SPMAP2: variants seen among roughly 807,000 people sequenced by gnomAD.
The protein encoded by SPMAP2 is Theg homolog.
chr19:369,829 C>A, the SPMAP2 span, among the ~76,000 whole-genome samples: 2 of 152,164 alleles, frequency 1.3e-5, no homozygotes, highest in Non-Finnish European at 2.9e-5. Context: ...TTACAAAGTA[C>A]CTTGATCACT....
the SPMAP2 span, among the ~76,000 whole-genome samples, chr19:366,443 G>A: frequency 6.6e-6 from 1 of 152,138 alleles, no homozygotes; most frequent in Non-Finnish European, 1.5e-5. Flanking sequence ...AGGCAGTGCT[G>A]CATCAGCCCT....
At chr19:371,075 CCAGA>C in the SPMAP2 span, 2 of 531,056 alleles carry the variant, frequency 3.8e-6, no homozygotes, top group East Asian at 6.2e-5. Flanking sequence ...AAAGCTGCTC[CCAGA>C]CAAAGGCAGC....
chr19:374,406 G>A, the SPMAP2 span: 31 of 1,613,976 alleles, frequency 1.9e-5, 1 homozygote, highest in South Asian at 1.8e-4. Flanking sequence ...GGAGCTTCTG[G>A]CTGATGGACA....
the SPMAP2 span, among the ~76,000 whole-genome samples, chr19:365,149 G>A: frequency 1.3e-5 from 2 of 152,198 alleles, no homozygotes; most frequent in African/African-American, 2.4e-5. Context: ...ACGCACCCGC[G>A]CTCACCACAC....
chr19:372,363 G>A, the SPMAP2 span, among the ~76,000 whole-genome samples: 26 of 152,354 alleles, frequency 1.7e-4, no homozygotes, highest in African/African-American at 4.8e-4. Flanking sequence ...TGTGTCAGGC[G>A]CTGTGCAAAT....
the SPMAP2 span, chr19:373,996 A>G: frequency 6.2e-6 from 10 of 1,613,536 alleles, no homozygotes; most frequent in East Asian, 2.2e-4. Context: ...CATACCCCTT[A>G]CCACAGCGTC....
At chr19:373,634 G>GAGTT in the SPMAP2 span, 1 of 1,119,824 alleles carries the variant, frequency 8.9e-7, no homozygotes, top group Non-Finnish European at 1.3e-6. Context: ...GTGGGGTGTG[G>GAGTT]AGTTGCTGGG....
At chr19:375,704 T>C in the SPMAP2 span, 1 of 1,603,856 alleles carries the variant, frequency 6.2e-7, no homozygotes, top group Non-Finnish European at 8.5e-7. Context: ...TGTCCAGGAC[T>C]CTCTCCAACT....
the SPMAP2 span, among the ~76,000 whole-genome samples, chr19:365,679 T>C: frequency 9.8e-6 from 1 of 102,334 alleles, no homozygotes. Context: ...ACAGCAAGTG[T>C]GAGCACACAC....
the SPMAP2 span, among the ~76,000 whole-genome samples, chr19:372,211 C>T: frequency 2.0e-5 from 3 of 152,220 alleles, 1 homozygote; most frequent in South Asian, 4.1e-4. Flanking sequence ...GTCTAAATAA[C>T]TAAAGATCAC....
the SPMAP2 span, among the ~76,000 whole-genome samples, chr19:364,687 C>G: frequency 6.6e-6 from 1 of 152,128 alleles, no homozygotes; most frequent in Admixed American, 6.5e-5. Context: ...TCTCCTCCCC[C>G]TGGCTGGGGT....
chr19:372,612 C>A, the SPMAP2 span: 207 of 1,613,502 alleles, frequency 1.3e-4, no homozygotes, highest in Middle Eastern at 9.9e-4. Context: ...GAGTAGCCAC[C>A]CAGCCCTCCT....
At chr19:374,338 A>AG in the SPMAP2 span, 1 of 1,614,120 alleles carries the variant, frequency 6.2e-7, no homozygotes, top group Admixed American at 1.7e-5. Flanking sequence ...GGGCTCTGCC[A>AG]GCTCCATGAG....
chr19:371,367 GGGGTGTGTGTGTGTGTGTGTGTGT>G, the SPMAP2 span: 3 of 718,944 alleles, frequency 4.2e-6, no homozygotes, highest in Admixed American at 6.6e-5. Context: ...GCCGGGGGTG[GGGGTGTGTGTGTGTGTGTGTGTGT>G]GTGTGTGTGT....
chr19:364,515 TA>T, the SPMAP2 span, among the ~76,000 whole-genome samples: 661 of 139,984 alleles, frequency 4.7e-3, no homozygotes, highest in Middle Eastern at 7.4e-3. Flanking sequence ...ACCCCATCTC[TA>T]AAAAAAAAAA....
At chr19:373,694 GATT>G in the SPMAP2 span, among the ~76,000 whole-genome samples, 1 of 152,050 alleles carries the variant, frequency 6.6e-6, no homozygotes, top group Non-Finnish European at 1.5e-5. Flanking sequence ...GGGACGCGTG[GATT>G]ATTGTGAGCA....
At chr19:362,153 A>T in the SPMAP2 span, 5 of 1,361,548 alleles carry the variant, frequency 3.7e-6, no homozygotes, top group Non-Finnish European at 4.8e-6. Context: ...GAATAATCAC[A>T]TACACAGGGT....
the SPMAP2 span, chr19:367,299 C>A: frequency 7.2e-7 from 1 of 1,396,640 alleles, no homozygotes; most frequent in Non-Finnish European, 9.6e-7. Context: ...CTGAAGGACC[C>A]CAGGAGCAAC....
chr19:367,818 A>G, the SPMAP2 span, among the ~76,000 whole-genome samples: 1 of 152,200 alleles, frequency 6.6e-6, no homozygotes, highest in African/African-American at 2.4e-5. Context: ...GGGCTGCACA[A>G]GCTGACTGCA....
Sources: allele counts gnomAD v4.1 joint callset (sites outside exome capture counted in the v4.1 genomes callset), GRCh38; gene constraint gnomAD v4.1.1; transcripts MANE v1.5; gene names NCBI Gene and HGNC (gene_info 2026-07-23, HGNC 2026-07-21).